Variants in CENPU observed in about 807,000 individuals in gnomAD.
CENPU encodes the protein KSHV latent nuclear antigen interacting protein 1.
In CENPU, 46 loss-of-function variants were observed where a neutral mutation model predicts 56.7. The ratio of observed to expected loss-of-function variants is 0.81; its 90% confidence interval spans 0.64 to 1.04. The LOEUF is 1.04. Ranked by LOEUF, CENPU falls within the 50% of genes least tolerant of loss-of-function variation. The pLI, the probability that CENPU is intolerant of heterozygous loss-of-function variation, is 0.00. For synonymous variants in CENPU, 166 were observed against 163.0 expected, an observed-to-expected ratio of 1.02 and a Z score of -0.14; for missense variants, 510 against 490.1, an observed-to-expected ratio of 1.04 and a Z score of -0.38.
Position 184,700,874 on chromosome 4 carries a change from G to A in CENPU, c.932C>T (p.Ser311Leu), listed in dbSNP as rs1760511633. 6.2e-7 allele frequency: 1 copy of A among 1,611,776 alleles called. No homozygotes were observed. Among genetic ancestry groups the A allele is most frequent in the African/African-American group, 1.3e-5 (1 of 74,852 alleles). Residue 311 changes from serine (S) to leucine (L), a missense_variant, in exon 11 of 13, where the codon TCA (serine) becomes TTA (leucine). Coordinates refer to ENST00000281453, the MANE Select transcript of CENPU (RefSeq NM_024629.4). ...NLKRKNAKMISDIEKKRQRMI... is the reference protein window; with the variant it reads ...NLKRKNAKMILDIEKKRQRMI... ...ACGCTGCCTTTTCTTTTCGATATCT[G>A]AAATCATCTAAGTAACACAATCATT...
At position 184,707,791 on chromosome 4, in the gene CENPU, C is replaced by T. The variant is rs545792821; in HGVS notation, c.797+2281G>A. On this transcript the variant is annotated intron_variant, in intron 8 of 12. Coordinates refer to ENST00000281453, the MANE Select transcript of CENPU (RefSeq NM_024629.4). ...GCTGGAGGAACCCAACTATTTCAAACGGAAAACACATATTATATCCGAAAC... is the reference window on the plus strand; with the variant it reads ...GCTGGAGGAACCCAACTATTTCAAATGGAAAACACATATTATATCCGAAAC... Among the ~76,000 whole-genome samples, 8 of 152,266 alleles carry T rather than the reference C, an allele frequency of 5.3e-5. No homozygotes were observed. In the East Asian group the frequency reaches 7.7e-4, roughly 15 times the overall value.
intron 7 of CENPU, among the ~76,000 whole-genome samples, chr4:184,712,151 T>G: frequency 6.7e-6 from 1 of 148,258 alleles, no homozygotes; most frequent in East Asian, 1.9e-4. Flanking sequence ...TCACAGCAGC[T>G]TTATTCAAAT....
chr4:184,696,961 G>C (rs1385335600), intron 12 of CENPU, among the ~76,000 whole-genome samples: 2 of 150,706 alleles, frequency 1.3e-5, no homozygotes, highest in Non-Finnish European at 2.9e-5. Flanking sequence ...GCTCAGTGCA[G>C]CCTGGACCTC....
chr4:184,707,949 G>A (rs948595891), intron 8 of CENPU, among the ~76,000 whole-genome samples: 19 of 152,236 alleles, frequency 1.2e-4, no homozygotes, highest in African/African-American at 2.2e-4. Context: ...ATAGCTGGGC[G>A]CGGTGGCTCA....
intron 12 of CENPU, 23 bp downstream of exon 12, chr4:184,697,624 G>C (rs1760383963): frequency 6.2e-7 from 1 of 1,609,954 alleles, no homozygotes; most frequent in East Asian, 2.2e-5. Context: ...CTGAAGCATG[G>C]TAAAAAGTAA....
At chr4:184,700,705 T>C (rs1760505742) in intron 11 of CENPU, 115 bp downstream of exon 11, 1 of 932,608 alleles carries the variant, frequency 1.1e-6, no homozygotes, top group Non-Finnish European at 1.8e-6. Context: ...TATCGGAGCT[T>C]GAAGATAACC....
intron 4 of CENPU, among the ~76,000 whole-genome samples, chr4:184,721,457 T>A (rs1263297645): frequency 2.4e-4 from 18 of 74,564 alleles, no homozygotes; most frequent in South Asian, 5.8e-4. Context: ...TGGCTGATTG[T>A]AAAAAAAAAA....
intron 4 of CENPU, among the ~76,000 whole-genome samples, chr4:184,722,727 G>GT (rs1223240179): frequency 6.6e-6 from 1 of 150,934 alleles, no homozygotes; most frequent in Non-Finnish European, 1.5e-5. Flanking sequence ...AAAAAAAACT[G>GT]TAACATAGGG....
Position 184,694,322 on chromosome 4 carries a change from G to A in CENPU, c.*966C>T. The A allele has an allele frequency of 1.5e-6, 2 of 1,346,964 alleles. No homozygotes were observed. The highest frequency in any genetic ancestry group is 1.9e-6 in the Non-Finnish European group (2 of 1,048,626). 83.4% of individuals were successfully genotyped at this position (1,346,964 alleles called of 1,614,324 possible). ...ATTTCAAATTTGGAGTTTCAAGTGT[G>A]TCTGAGCTTCAGTGCAGCAACGTTT... On this transcript the variant is annotated 3_prime_UTR_variant, in exon 13 of 13. Coordinates refer to ENST00000281453, the MANE Select transcript of CENPU (RefSeq NM_024629.4).
In CENPU at chr4:184,695,170, T is replaced by C; in HGVS notation, c.*118A>G. The C allele has an allele frequency of 4.3e-6, 3 of 694,652 alleles. No homozygotes were observed. The Admixed American group carries it at 7.3e-5, about 17-fold the overall frequency. The allele number at this position is 694,652 out of a possible 1,614,324, so 43.0% of individuals were successfully genotyped here. On this transcript the variant is annotated 3_prime_UTR_variant, in exon 13 of 13. Coordinates refer to ENST00000281453, the MANE Select transcript of CENPU (RefSeq NM_024629.4). The stretch of plus-strand genomic sequence containing the variant: ...GCCATTTAATTTGAATAACAAATTT[T>C]AGATTCTAAGTAGGCCATAACTTCT...
chr4:184,729,483 A>G, intron 2 of CENPU, among the ~76,000 whole-genome samples: 1 of 152,254 alleles, frequency 6.6e-6, no homozygotes, highest in East Asian at 1.9e-4. Flanking sequence ...TTCCAATACA[A>G]TTTGACTTTT....
At position 184,708,705 on chromosome 4, in the gene CENPU, G is replaced by A. The variant is rs1760815325; in HGVS notation, c.797+1367C>T. 2.0e-5 allele frequency among the ~76,000 whole-genome samples: 3 copies of A among 152,160 alleles called. No individual in the cohort carries two copies. In the South Asian group the frequency reaches 6.2e-4, roughly 31 times the overall value. On this transcript the variant is annotated intron_variant, in intron 8 of 12. Transcript: ENST00000281453. ...CTAAAGTATTATATCCAGCTAAGCT[G>A]TCATTCAAATTCAAGGGTATAATCA...
Position 184,728,913 on chromosome 4 carries a change from C to T in CENPU, c.214+5G>A. 1 of 1,601,960 alleles carries T rather than the reference C, an allele frequency of 6.2e-7. No individual in the cohort carries two copies. Among genetic ancestry groups the T allele is most frequent in the Non-Finnish European group, 8.6e-7 (1 of 1,169,324 alleles). ...TATGTTAGGATAAAGATTTAAAGTA[C>T]TAACCAAAGGTCTCATAAGTTTCTT... On this transcript the variant is annotated splice_donor_5th_base_variant and intron_variant, in intron 3 of 12. Transcript: ENST00000281453.
Position 184,694,792 on chromosome 4 carries a change from GA to G in CENPU, c.*495del. The G allele has an allele frequency of 6.3e-7, 1 of 1,592,872 alleles. No homozygotes were observed. The highest frequency in any genetic ancestry group is 1.3e-5 in the African/African-American group (1 of 74,582). ...ATTACAAGAGTAACTAATTCACTAT[GA>G]ACACTTTTGTCACCAGGCTATAATT... is the stretch of plus-strand genomic sequence containing the variant. On this transcript the variant is annotated 3_prime_UTR_variant, in exon 13 of 13. Transcript: ENST00000281453.
intron 7 of CENPU, among the ~76,000 whole-genome samples, chr4:184,711,411 T>C (rs993472562): frequency 6.6e-6 from 1 of 152,162 alleles, no homozygotes; most frequent in Non-Finnish European, 1.5e-5. Flanking sequence ...CATTTATCAT[T>C]TGTTTGTGGT....
intron 8 of CENPU, 93 bp from the exon 9 acceptor site, chr4:184,702,534 T>G: frequency 5.2e-6 from 4 of 773,918 alleles, no homozygotes; most frequent in Non-Finnish European, 8.2e-6. Flanking sequence ...CACATACAAT[T>G]TGGCATATAC....
chr4:184,725,076 A>G lies in CENPU; in HGVS notation c.215-14T>C, dbSNP rs1046285285. 2 of 1,536,678 alleles carry G rather than the reference A, an allele frequency of 1.3e-6. No homozygotes were observed. Among genetic ancestry groups the G allele is most frequent in the Non-Finnish European group, 8.9e-7 (1 of 1,119,644 alleles). On this transcript the variant is annotated splice_polypyrimidine_tract_variant and intron_variant, in intron 3 of 12. Coordinates refer to ENST00000281453, the MANE Select transcript of CENPU (RefSeq NM_024629.4). ...GTAAAGGAGGATCTTTCAAAAGACAAAAAAGAAGCACAACTTTAAAAGTCT... is the reference window on the plus strand; with the variant it reads ...GTAAAGGAGGATCTTTCAAAAGACAGAAAAGAAGCACAACTTTAAAAGTCT...
At chr4:184,705,215 T>G (rs1760684761) in intron 8 of CENPU, among the ~76,000 whole-genome samples, 2 of 152,130 alleles carry the variant, frequency 1.3e-5, no homozygotes. Flanking sequence ...CCATGGTATA[T>G]CCATACCATA....
intron 2 of CENPU, among the ~76,000 whole-genome samples, chr4:184,730,433 C>T (rs1028663949): frequency 2.6e-5 from 4 of 151,430 alleles, no homozygotes; most frequent in Non-Finnish European, 5.9e-5. Context: ...CTGTCATACA[C>T]TGTTAATGTG....
Sources: gnomAD v4.1 joint callset for allele counts (sites outside exome capture counted in the v4.1 genomes callset) on GRCh38, gnomAD v4.1.1 for gene constraint, MANE v1.5 for transcripts, NCBI Gene and HGNC (gene_info 2026-07-23, HGNC 2026-07-21) for gene names.